The following CDKN3 variants were observed in gnomAD, a reference collection of about 807,000 sequenced individuals.
The protein encoded by CDKN3 is cyclin dependent kinase inhibitor 3.
Under a neutral mutation model 36.1 loss-of-function variants are expected in CDKN3, and 19 were observed. The observed-to-expected ratio is 0.53, with a 90% CI of 0.37 to 0.77. The LOEUF (loss-of-function observed/expected upper bound fraction) is 0.77, where lower values mean the gene tolerates loss of function less well. CDKN3 is among the 30% of genes least tolerant of loss of function. The pLI, the probability that CDKN3 is intolerant of heterozygous loss-of-function variation, is 0.00. For missense variants in CDKN3, 188 were observed against 248.6 expected, an observed-to-expected ratio of 0.76 and a Z score of 1.64; for synonymous variants, 71 against 85.3, an observed-to-expected ratio of 0.83 and a Z score of 0.92.
chr14:54,408,387 A>C (rs1324601424), intron 3 of CDKN3, among the ~76,000 whole-genome samples: 1 of 152,256 alleles, frequency 6.6e-6, no homozygotes. Flanking sequence ...CTCATGGTGG[A>C]CTATAGTTAA....
At chr14:54,400,181 C>CTT (rs56022133) in intron 2 of CDKN3, among the ~76,000 whole-genome samples, 14,729 of 137,194 alleles carry the variant, frequency 0.11, 1,001 homozygotes, top group East Asian at 0.28. Flanking sequence ...GAATAAGACC[C>CTT]TTTTTTTTTT....
At chr14:54,408,429 G>GATCTGC (rs888741746) in intron 3 of CDKN3, 40 of 246,904 alleles carry the variant, frequency 1.6e-4, no homozygotes, top group African/African-American at 8.2e-4. Context: ...AGCCCTTCCA[G>GATCTGC]ATCTGCAGTC....
In CDKN3 at chr14:54,420,190, C is replaced by A; in HGVS notation, c.*112C>A. 1 of 578,242 alleles carries A rather than the reference C, an allele frequency of 1.7e-6. No individual in the cohort carries two copies. The highest frequency in any genetic ancestry group is 3.1e-6 in the Non-Finnish European group (1 of 327,104). 35.8% of individuals were successfully genotyped at this position (578,242 alleles called of 1,614,324 possible). A position where few individuals can be genotyped will look rare whatever the true frequency, so the allele number is the denominator to read the frequency against. ...CAACTTGAATGTAAATGTACATGTG[C>A]AGATATTCCTAAAGTTTTATTGACA... On this transcript the variant is annotated 3_prime_UTR_variant, in exon 8 of 8. Transcript: ENST00000335183.
intron 6 of CDKN3, among the ~76,000 whole-genome samples, chr14:54,417,322 AAAGG>A (rs2030584289): frequency 6.6e-6 from 1 of 152,264 alleles, no homozygotes; most frequent in Non-Finnish European, 1.5e-5. Flanking sequence ...TTGATCATAA[AAAGG>A]AATTAAATAC....
At chr14:54,397,190 G>T (rs952420146) in intron 1 of CDKN3, 113 bp downstream of exon 1, 2 of 1,201,076 alleles carry the variant, frequency 1.7e-6, no homozygotes, top group Middle Eastern at 5.4e-4. Context: ...TGCGACTGGC[G>T]CCGTAACCGT....
rs865906428 is a variant in CDKN3, at chr14:54,418,367, A to G, written c.552+416A>G. 3.3e-5 allele frequency: 22 copies of G among 673,744 alleles called. No homozygotes were observed. The Middle Eastern group carries it at 2.4e-3, about 72-fold the overall frequency. The allele number at this position is 673,744 out of a possible 1,614,324, so 41.7% of individuals were successfully genotyped here. A position where few individuals can be genotyped will look rare whatever the true frequency, so the allele number is the denominator to read the frequency against. ...CTATGGAAGATCTTGTTATATCACC[A>G]AAACATTTAATAAAGACAGATGAAT... On this transcript the variant is annotated intron_variant, in intron 7 of 7. Transcript: ENST00000335183.
At chr14:54,399,504 C>A (rs969627112) in intron 1 of CDKN3, among the ~76,000 whole-genome samples, 2 of 152,202 alleles carry the variant, frequency 1.3e-5, no homozygotes, top group African/African-American at 4.8e-5. Context: ...TCTTATAGAT[C>A]TTTTGCATCT....
chr14:54,406,670 C>CT (rs1311016166), intron 3 of CDKN3, among the ~76,000 whole-genome samples: 2 of 151,878 alleles, frequency 1.3e-5, no homozygotes, highest in Non-Finnish European at 2.9e-5. Flanking sequence ...AGTTCTCCTG[C>CT]TGTGTTTTTC....
intron 3 of CDKN3, among the ~76,000 whole-genome samples, chr14:54,405,120 G>A (rs1380102096): frequency 1.3e-5 from 2 of 152,144 alleles, no homozygotes; most frequent in Non-Finnish European, 2.9e-5. Flanking sequence ...TCAGGGGCAG[G>A]TTGTTCAGTT....
rs531147213 is a variant in CDKN3, at chr14:54,402,850, A to G, written c.148+1271A>G. ...GTTTTTGTCAGTTTTGTCAAAGATCAGATGGTTATAGATGTATGGTGTTAT... is the reference window on the plus strand; with the variant it reads ...GTTTTTGTCAGTTTTGTCAAAGATCGGATGGTTATAGATGTATGGTGTTAT... On this transcript the variant is annotated intron_variant, in intron 3 of 7. Coordinates refer to ENST00000335183, the MANE Select transcript of CDKN3 (RefSeq NM_005192.4). Among the ~76,000 whole-genome samples the G allele has an allele frequency of 9.8e-5, 15 of 152,374 alleles. No homozygotes were observed. The South Asian group carries it at 2.9e-3, about 29-fold the overall frequency.
In CDKN3 at chr14:54,417,936, A is replaced by G. The variant is rs370876853; in HGVS notation, c.537A>G (p.Ala179=). The change falls in exon 7 of 8, where the codon GCA becomes GCG. Residue 179 remains alanine (A), a synonymous_variant. Coordinates refer to ENST00000335183, the MANE Select transcript of CDKN3 (RefSeq NM_005192.4). ...DSLRDLRGSG[A]IQTIKQYNYL... ...TGCGAGACCTAAGAGGATCCGGGGC[A>G]ATACAGACCATCAAGGTGAGGAGGT... 4 of 1,585,218 alleles carry G rather than the reference A, an allele frequency of 2.5e-6. No homozygotes were observed. In the African/African-American group the frequency reaches 5.4e-5, roughly 21 times the overall value.
intron 6 of CDKN3, among the ~76,000 whole-genome samples, chr14:54,417,348 A>T (rs573271297): frequency 6.6e-6 from 1 of 152,368 alleles, no homozygotes; most frequent in South Asian, 2.1e-4. Flanking sequence ...GACATATGCT[A>T]CAATATGTAT....
rs543349571 is a variant in CDKN3, at chr14:54,409,601, G to C, written c.193+812G>C. Among the ~76,000 whole-genome samples, 7 of 152,256 alleles carry C rather than the reference G, an allele frequency of 4.6e-5. No individual in the cohort carries two copies. The South Asian group carries it at 1.5e-3, about 32-fold the overall frequency. ...TAATCCCAGCATTTTGGTAGGCCGA[G>C]GCGGGTTGATCGCTTGAGCTCAGGA... On this transcript the variant is annotated intron_variant, in intron 4 of 7. Transcript: ENST00000335183.
At chr14:54,412,669 AGTAGCATG>A (rs2030400357) in intron 5 of CDKN3, among the ~76,000 whole-genome samples, 1 of 152,208 alleles carries the variant, frequency 6.6e-6, no homozygotes, top group African/African-American at 2.4e-5. Context: ...GGCAGTAGAT[AGTAGCATG>A]GCAAAGATTC....
intron 3 of CDKN3, among the ~76,000 whole-genome samples, chr14:54,403,695 T>C (rs1255824127): frequency 6.6e-6 from 1 of 152,216 alleles, no homozygotes; most frequent in African/African-American, 2.4e-5. Flanking sequence ...ATAGCTCTTA[T>C]TATTTTCAGA....
chr14:54,412,862 G>T, intron 5 of CDKN3: 1 of 516,952 alleles, frequency 1.9e-6, no homozygotes. Context: ...AATAGTTTAC[G>T]ACCTCAAAAG....
At chr14:54,402,197 T>C (rs1342983536) in intron 3 of CDKN3, among the ~76,000 whole-genome samples, 1 of 142,360 alleles carries the variant, frequency 7.0e-6, no homozygotes, top group Non-Finnish European at 1.5e-5. Flanking sequence ...AGAGCGAGAC[T>C]CTGTCTCAAA....
intron 1 of CDKN3, among the ~76,000 whole-genome samples, chr14:54,398,616 C>T (rs1886385436): frequency 6.6e-6 from 1 of 152,206 alleles, no homozygotes; most frequent in Non-Finnish European, 1.5e-5. Context: ...TTGGTTTCAA[C>T]TAGGGAGTGA....
chr14:54,413,184 A>G (rs2030418582), intron 5 of CDKN3, among the ~76,000 whole-genome samples: 1 of 152,240 alleles, frequency 6.6e-6, no homozygotes, highest in Non-Finnish European at 1.5e-5. Flanking sequence ...CTCTATGGAA[A>G]AAGCATAGTC....
Sources: allele counts gnomAD v4.1 joint callset (sites outside exome capture counted in the v4.1 genomes callset), GRCh38; gene constraint gnomAD v4.1.1; transcripts MANE v1.5; gene names NCBI Gene and HGNC (gene_info 2026-07-23, HGNC 2026-07-21).